Variants in ATP10B observed in about 807,000 individuals in gnomAD.
ATP10B encodes phospholipid-transporting ATPase VB.
Under a neutral mutation model 141.2 loss-of-function variants are expected in ATP10B, and 122 were observed. The observed-to-expected ratio is 0.86, with a 90% CI of 0.75 to 1.00. The LOEUF (loss-of-function observed/expected upper bound fraction) is 1.00. ATP10B is among the 50% of genes least tolerant of loss of function. The pLI, the probability that ATP10B is intolerant of heterozygous loss-of-function variation, is 0.00. For synonymous variants in ATP10B, 685 were observed against 692.0 expected, an observed-to-expected ratio of 0.99 and a Z score of 0.16; for missense variants, 1,876 against 1,825.3, an observed-to-expected ratio of 1.03 and a Z score of -0.51.
the ATP10B span, among the ~76,000 whole-genome samples, chr5:160,919,828 G>A: frequency 6.6e-6 from 1 of 152,160 alleles, no homozygotes; most frequent in Non-Finnish European, 1.5e-5. Context: ...CTGCCTCTGA[G>A]GCCAACTGCG....
At chr5:160,841,690 T>G (rs949683672) in intron 1 of ATP10B, among the ~76,000 whole-genome samples, 3 of 152,284 alleles carry the variant, frequency 2.0e-5, no homozygotes, top group South Asian at 2.1e-4. Flanking sequence ...TATTTGACTG[T>G]ATACTCCTAG....
At chr5:160,637,041 AATCCATCC>A (rs201357056) in intron 10 of ATP10B, among the ~76,000 whole-genome samples, 6 of 56,014 alleles carry the variant, frequency 1.1e-4, no homozygotes, top group African/African-American at 3.5e-4. Context: ...TCCATCCATG[AATCCATCC>A]ATCCATCCAT....
At chr5:160,585,256 T>C (rs183835331) in intron 24 of ATP10B, among the ~76,000 whole-genome samples, 102 of 152,342 alleles carry the variant, frequency 6.7e-4, no homozygotes, top group African/African-American at 2.4e-3. Flanking sequence ...CTAGAGCAGA[T>C]CCTACAAATT....
At chr5:160,853,493 C>T (rs1236276977), upstream of ATP10B, among the ~76,000 whole-genome samples, 1 of 152,160 alleles carries the variant, frequency 6.6e-6, no homozygotes, top group African/African-American at 2.4e-5. Flanking sequence ...ACCACATTGT[C>T]TTTCTCCTAA....
rs539878429 is a variant in ATP10B at position 160,588,205 on chromosome 5, T to TTCTC, written c.3750+1383_3750+1386dup. On this transcript the variant is annotated intron_variant, in intron 24 of 25. Transcript: ENST00000327245. ...TCATCTGTAAACAGACAATTTTACTTTCTCTCTTTCTATTTGAATACCCTT... is the reference window on the plus strand; with the variant it reads ...TCATCTGTAAACAGACAATTTTACTTTCTCTCTCTCTTTCTATTTGAATACCCTT... Among the ~76,000 whole-genome samples, 3 of 152,222 alleles carry TTCTC rather than the reference T, an allele frequency of 2.0e-5. No individual in the cohort carries two copies. In the East Asian group the frequency reaches 5.8e-4, roughly 29 times the overall value.
rs540665940 is a variant in ATP10B, at chr5:160,706,753, C to T, written c.-205+10156G>A. On this transcript the variant is annotated intron_variant, in intron 3 of 25. Coordinates refer to ENST00000327245, the MANE Select transcript of ATP10B (RefSeq NM_025153.3). ...TGGTCAAAAACTAAGAAATTAATAT[C>T]GATACAGGACAATGAACTAAACAAC... Among the ~76,000 whole-genome samples the T allele has an allele frequency of 1.9e-3, 284 of 152,252 alleles. 1 individual carries two copies. Among genetic ancestry groups the T allele is most frequent in the African/African-American group, 6.6e-3 (275 of 41,546 alleles).
the ATP10B span, among the ~76,000 whole-genome samples, chr5:160,903,757 T>C: frequency 6.6e-6 from 1 of 152,140 alleles, no homozygotes; most frequent in African/African-American, 2.4e-5. Context: ...AGGAGCACAG[T>C]GTTGCTTGCC....
the ATP10B span, among the ~76,000 whole-genome samples, chr5:160,864,552 T>C: frequency 7.3e-5 from 11 of 151,568 alleles, no homozygotes; most frequent in African/African-American, 2.4e-4. Flanking sequence ...CTATTCGACA[T>C]AGTACTAGAA....
intron 21 of ATP10B, among the ~76,000 whole-genome samples, chr5:160,601,785 G>T (rs1006495070): frequency 1.5e-4 from 23 of 152,172 alleles, no homozygotes; most frequent in African/African-American, 5.3e-4. Flanking sequence ...AGTCAGGTAA[G>T]ACTACCCAGA....
At chr5:160,570,395 A>G (rs1054361468) in intron 24 of ATP10B, among the ~76,000 whole-genome samples, 27 of 152,180 alleles carry the variant, frequency 1.8e-4, no homozygotes, top group African/African-American at 6.5e-4. Flanking sequence ...CATATTGACT[A>G]TTTTGTATAA....
chr5:160,907,986 T>C, the ATP10B span, among the ~76,000 whole-genome samples: 1 of 152,110 alleles, frequency 6.6e-6, no homozygotes, highest in East Asian at 1.9e-4. Context: ...TGGCTACAGG[T>C]TGGATGATGG....
rs1347725413 is a variant in ATP10B, at chr5:160,590,951, C to A, written c.3645+108G>T. ...GTAACCTGCAGGCTACCTGTTTGAGCCTCTGCTCTAAAGTGTCCAGAAGGA... is the reference window on the plus strand; with the variant it reads ...GTAACCTGCAGGCTACCTGTTTGAGACTCTGCTCTAAAGTGTCCAGAAGGA... On this transcript the variant is annotated intron_variant, in intron 23 of 25. Coordinates refer to ENST00000327245, the MANE Select transcript of ATP10B (RefSeq NM_025153.3). 5 of 881,848 alleles carry A rather than the reference C, an allele frequency of 5.7e-6. No individual in the cohort carries two copies. The East Asian group carries it at 1.0e-4, about 18-fold the overall frequency. 54.6% of individuals were successfully genotyped at this position (881,848 alleles called of 1,614,324 possible).
At chr5:160,873,791 T>G in the ATP10B span, among the ~76,000 whole-genome samples, 1 of 152,076 alleles carries the variant, frequency 6.6e-6, no homozygotes, top group Non-Finnish European at 1.5e-5. Flanking sequence ...CCAGGAAAAT[T>G]GGGTCACTCC....
the ATP10B span, among the ~76,000 whole-genome samples, chr5:160,894,442 GA>G: frequency 6.6e-6 from 1 of 151,780 alleles, no homozygotes; most frequent in Non-Finnish European, 1.5e-5. Flanking sequence ...TCAAGCAGAA[GA>G]AAGGATATCA....
At chr5:160,659,661 A>G (rs918331724) in intron 7 of ATP10B, among the ~76,000 whole-genome samples, 9 of 151,916 alleles carry the variant, frequency 5.9e-5, no homozygotes, top group African/African-American at 2.2e-4. Flanking sequence ...CAAGTAGAAG[A>G]CTGGAGGAGA....
chr5:160,565,942 T>G, intron 25 of ATP10B, 42 bp from the exon 26 acceptor site: 1 of 1,530,296 alleles, frequency 6.5e-7, no homozygotes, highest in Non-Finnish European at 8.8e-7. Context: ...TGATTTCCAC[T>G]GACTTCATAA....
intron 3 of ATP10B, among the ~76,000 whole-genome samples, chr5:160,690,757 G>A (rs1443664729): frequency 1.3e-5 from 2 of 152,162 alleles, no homozygotes; most frequent in Admixed American, 1.3e-4. Context: ...CACTGTTGGT[G>A]GGAGTGTAAA....
the ATP10B span, among the ~76,000 whole-genome samples, chr5:160,921,894 A>T: frequency 1.1e-4 from 17 of 152,212 alleles, no homozygotes; most frequent in Non-Finnish European, 2.1e-4. Context: ...TCTAAGTGCT[A>T]GAGTTGTTTT....
In ATP10B at chr5:160,569,489, C is replaced by T; in HGVS notation, c.3938+7G>A. 1.9e-6 allele frequency: 3 copies of T among 1,613,564 alleles called. No homozygotes were observed. Among genetic ancestry groups the T allele is most frequent in the South Asian group, 1.1e-5 (1 of 91,046 alleles). ...TTAGGAAAGAAACACAGCCCTAGTG[C>T]TCAAACCTTGGGAGAAGAGCAACAA... On this transcript the variant is annotated splice_region_variant and intron_variant, in intron 25 of 25. Transcript: ENST00000327245.
Sources: allele counts gnomAD v4.1 joint callset (sites outside exome capture counted in the v4.1 genomes callset), GRCh38; gene constraint gnomAD v4.1.1; transcripts MANE v1.5; gene names NCBI Gene and HGNC (gene_info 2026-07-23, HGNC 2026-07-21).